The following WDR70 variants were observed in gnomAD, a reference collection of about 807,000 sequenced individuals.
The protein encoded by WDR70 is WD repeat-containing protein 70.
A neutral mutation model predicts 88.6 loss-of-function variants in WDR70; 53 were observed. The observed-to-expected ratio is 0.60, with a 90% CI of 0.48 to 0.75. The LOEUF (loss-of-function observed/expected upper bound fraction) is 0.75, where lower values mean the gene tolerates loss of function less well. Among genes scored for constraint, WDR70 ranks in the 30% least tolerant of loss-of-function variants. The pLI, the probability that WDR70 is intolerant of heterozygous loss-of-function variation, is 0.00. For missense variants in WDR70, 610 were observed against 823.2 expected (o/e 0.74, Z 3.17); for synonymous variants, 280 against 270.0 (o/e 1.04, Z -0.36).
intron 5 of WDR70, among the ~76,000 whole-genome samples, chr5:37,398,087 A>ATTT (rs756446462): frequency 8.2e-6 from 1 of 121,380 alleles, no homozygotes; most frequent in Admixed American, 9.4e-5. Flanking sequence ...GGGGTAGATA[A>ATTT]TTTTTTTTTT....
At chr5:37,608,549 ATT>A (rs879831541) in intron 10 of WDR70, among the ~76,000 whole-genome samples, 3 of 141,480 alleles carry the variant, frequency 2.1e-5, no homozygotes, top group Admixed American at 7.1e-5. Flanking sequence ...ATGTTTCACT[ATT>A]TTTTTTTTTT....
chr5:37,586,798 G>A (rs1040252753), intron 9 of WDR70, among the ~76,000 whole-genome samples: 5 of 151,946 alleles, frequency 3.3e-5, no homozygotes, highest in Admixed American at 2.6e-4. Flanking sequence ...TCTGCCTTTT[G>A]CAGTCCCCAT....
At chr5:37,690,326 A>C (rs1242166595) in intron 10 of WDR70, among the ~76,000 whole-genome samples, 2 of 152,230 alleles carry the variant, frequency 1.3e-5, no homozygotes, top group African/African-American at 4.8e-5. Flanking sequence ...CTAGCAAGGC[A>C]GGCCAACATT....
intron 7 of WDR70, among the ~76,000 whole-genome samples, chr5:37,468,170 A>G (rs1380220698): frequency 6.6e-6 from 1 of 152,198 alleles, no homozygotes; most frequent in East Asian, 1.9e-4. Flanking sequence ...TTTTGAGGGA[A>G]CACAAACATG....
intron 17 of WDR70, among the ~76,000 whole-genome samples, chr5:37,727,569 G>T (rs556953656): frequency 1.3e-5 from 2 of 151,904 alleles, no homozygotes; most frequent in African/African-American, 4.8e-5. Context: ...AGAATTTTCC[G>T]TTTTTATTTT....
rs554321108 is a variant in WDR70, at chr5:37,617,329, A to T, written c.1092+12091A>T. ...ATGACCCTGTTGGGAATATTCTAAA[A>T]CAAGATTGTGGTGATGGTTGTACAA... On this transcript the variant is annotated intron_variant, in intron 10 of 17. Coordinates refer to ENST00000265107, the MANE Select transcript of WDR70 (RefSeq NM_018034.4). Among the ~76,000 whole-genome samples the T allele has an allele frequency of 2.0e-5, 3 of 152,338 alleles. No individual in the cohort carries two copies. In the South Asian group the frequency reaches 6.2e-4, roughly 32 times the overall value.
intron 10 of WDR70, among the ~76,000 whole-genome samples, chr5:37,654,294 C>T (rs144177231): frequency 2.0e-3 from 297 of 152,266 alleles, no homozygotes; most frequent in African/African-American, 6.6e-3. Flanking sequence ...TTTGATTGCA[C>T]TGTGGTTTGA....
intron 2 of WDR70, among the ~76,000 whole-genome samples, chr5:37,381,140 A>T (rs1748412565): frequency 6.6e-6 from 1 of 152,142 alleles, no homozygotes; most frequent in South Asian, 2.1e-4. Context: ...TACCTGCATT[A>T]CTTCTCATGT....
chr5:37,542,284 T>C (rs1444689895), intron 9 of WDR70, among the ~76,000 whole-genome samples: 57 of 150,364 alleles, frequency 3.8e-4, no homozygotes, highest in Non-Finnish European at 3.6e-4. Context: ...CTTCTTCTTT[T>C]TTTTTTTTTT....
At chr5:37,636,703 G>A (rs765237250) in intron 10 of WDR70, among the ~76,000 whole-genome samples, 7 of 152,108 alleles carry the variant, frequency 4.6e-5, no homozygotes, top group Non-Finnish European at 7.4e-5. Flanking sequence ...GAAAACACCA[G>A]ACAAACCCAA....
chr5:37,522,921 C>T (rs765807149), intron 9 of WDR70, among the ~76,000 whole-genome samples: 28 of 152,320 alleles, frequency 1.8e-4, no homozygotes, highest in Non-Finnish European at 2.9e-4. Context: ...AAGGTGGCAG[C>T]GAGGCTGGGG....
chr5:37,447,477 C>CAA (rs1249309047), intron 7 of WDR70, among the ~76,000 whole-genome samples: 1 of 152,244 alleles, frequency 6.6e-6, no homozygotes, highest in East Asian at 1.9e-4. Flanking sequence ...GCCAAAAAGA[C>CAA]AAATGCACAC....
At chr5:37,564,006 A>C (rs1202360237) in intron 9 of WDR70, among the ~76,000 whole-genome samples, 2 of 116,176 alleles carry the variant, frequency 1.7e-5, no homozygotes, top group Non-Finnish European at 3.7e-5. Context: ...CCTAGATGGG[A>C]TGGCGGCCGG....
In WDR70 at chr5:37,680,577, A is replaced by G. The variant is rs1240591581; in HGVS notation, c.1093-17078A>G. ...ATCCATCTTGTGTTGATTTTTGTAC[A>G]TGGTGTAAGGAACAGGTCCAGTTTC... On this transcript the variant is annotated intron_variant, in intron 10 of 17. Coordinates refer to ENST00000265107, the MANE Select transcript of WDR70 (RefSeq NM_018034.4). Among the ~76,000 whole-genome samples the G allele has an allele frequency of 3.3e-5, 5 of 152,122 alleles. No individual in the cohort carries two copies. The East Asian group carries it at 5.8e-4, about 18-fold the overall frequency.
At chr5:37,540,752 T>C (rs1741793073) in intron 9 of WDR70, among the ~76,000 whole-genome samples, 1 of 152,246 alleles carries the variant, frequency 6.6e-6, no homozygotes, top group Non-Finnish European at 1.5e-5. Flanking sequence ...ATGTATTCTT[T>C]TACATGATTT....
intron 8 of WDR70, among the ~76,000 whole-genome samples, chr5:37,514,339 C>CATATATATATATATATATATATATATAT (rs70978826): frequency 0.023 from 655 of 28,506 alleles, 158 homozygotes; most frequent in Non-Finnish European, 0.061. Context: ...TTTAGAACTA[C>CATATATATATATATATATATATATATAT]ATATATATAT....
chr5:37,681,218 G>A (rs1746426702), intron 10 of WDR70, among the ~76,000 whole-genome samples: 1 of 150,954 alleles, frequency 6.6e-6, no homozygotes, highest in Non-Finnish European at 1.5e-5. Flanking sequence ...GAATGGGATT[G>A]CATCTTGGCT....
intron 5 of WDR70, among the ~76,000 whole-genome samples, chr5:37,436,068 G>A (rs1750458883): frequency 6.6e-6 from 1 of 151,998 alleles, no homozygotes; most frequent in Non-Finnish European, 1.5e-5. Context: ...GCATAAGAGG[G>A]TCATTTAACC....
intron 7 of WDR70, among the ~76,000 whole-genome samples, chr5:37,447,637 G>A (rs1738543516): frequency 6.6e-6 from 1 of 152,154 alleles, no homozygotes; most frequent in African/African-American, 2.4e-5. Context: ...GTCATTTGTA[G>A]GGACATGGAT....
Sources: gnomAD v4.1 joint callset for allele counts (sites outside exome capture counted in the v4.1 genomes callset) on GRCh38, gnomAD v4.1.1 for gene constraint, MANE v1.5 for transcripts, NCBI Gene and HGNC (gene_info 2026-07-23, HGNC 2026-07-21) for gene names.